ELAVL2: variants seen among roughly 807,000 people sequenced by gnomAD.
The protein encoded by ELAVL2 is ELAV-like protein 2.
A neutral mutation model predicts 34.6 loss-of-function variants in ELAVL2; 4 were observed. The observed-to-expected ratio is 0.12, with a 90% CI of 0.06 to 0.26. ELAVL2 has a LOEUF of 0.26. Among genes scored for constraint, ELAVL2 ranks in the 10% least tolerant of loss-of-function variants. The pLI, the probability that ELAVL2 is intolerant of heterozygous loss-of-function variation, is 1.00. For synonymous variants in ELAVL2, 193 were observed against 154.8 expected (o/e 1.25, Z -1.83); for missense variants, 432 against 442.8 (o/e 0.98, Z 0.22).
At chr9:23,832,745 A>G in the ELAVL2 span, among the ~76,000 whole-genome samples, 4 of 152,160 alleles carry the variant, frequency 2.6e-5, no homozygotes, top group African/African-American at 9.6e-5. Flanking sequence ...ATCAATTTTT[A>G]TTTTGTTTAA....
intron 3 of ELAVL2, among the ~76,000 whole-genome samples, chr9:23,718,110 A>G (rs547761898): frequency 1.2e-4 from 18 of 152,238 alleles, no homozygotes; most frequent in Admixed American, 1.1e-3. Context: ...ATAAAGCCCT[A>G]AGGGGTGGGA....
intron 1 of ELAVL2, among the ~76,000 whole-genome samples, chr9:23,773,988 G>T (rs927519110): frequency 6.6e-6 from 1 of 151,940 alleles, no homozygotes; most frequent in African/African-American, 2.4e-5. Flanking sequence ...GAGGCGGGCA[G>T]ATCACGAGGT....
intron 1 of ELAVL2, chr9:23,783,418 A>G: frequency 2.0e-6 from 2 of 983,630 alleles, no homozygotes; most frequent in Non-Finnish European, 1.2e-6. Flanking sequence ...AACTTCAGAG[A>G]GCATGAAAAA....
chr9:23,756,655 C>T (rs2053633607), intron 2 of ELAVL2, among the ~76,000 whole-genome samples: 1 of 152,152 alleles, frequency 6.6e-6, no homozygotes, highest in Non-Finnish European at 1.5e-5. Flanking sequence ...ATGTCTAGTT[C>T]TGAAAGCTAG....
intron 1 of ELAVL2, among the ~76,000 whole-genome samples, chr9:23,813,552 T>C (rs2063307744): frequency 1.3e-5 from 2 of 151,932 alleles, no homozygotes; most frequent in South Asian, 4.2e-4. Context: ...CAGCATCAAG[T>C]AGCAATGTTG....
At chr9:23,834,080 T>A in the ELAVL2 span, among the ~76,000 whole-genome samples, 9 of 151,988 alleles carry the variant, frequency 5.9e-5, no homozygotes, top group African/African-American at 9.7e-5. Flanking sequence ...ATAACAAAAT[T>A]AGATTAGAGA....
intron 3 of ELAVL2, among the ~76,000 whole-genome samples, chr9:23,724,790 G>A (rs2044650722): frequency 1.3e-5 from 2 of 152,134 alleles, no homozygotes; most frequent in South Asian, 2.1e-4. Context: ...ACATGTACTC[G>A]GTCAGTCTGT....
chr9:23,792,103 C>T (rs548240757), intron 1 of ELAVL2, among the ~76,000 whole-genome samples: 2 of 152,326 alleles, frequency 1.3e-5, no homozygotes, highest in South Asian at 4.1e-4. Flanking sequence ...CTATTTTTCA[C>T]TGTCAGTATT....
chr9:23,713,910 T>C (rs866639626), intron 3 of ELAVL2, among the ~76,000 whole-genome samples: 2 of 152,196 alleles, frequency 1.3e-5, no homozygotes, highest in Non-Finnish European at 2.9e-5. Context: ...GTCTTGGCTC[T>C]GTTACTTACC....
intron 6 of ELAVL2, 64 bp downstream of exon 6, chr9:23,693,384 C>A: frequency 6.2e-7 from 1 of 1,603,758 alleles, no homozygotes; most frequent in South Asian, 1.1e-5. Flanking sequence ...ATAGCACTCC[C>A]AAAATCAAAG....
chr9:23,755,214 G>C (rs1420516384), intron 2 of ELAVL2, among the ~76,000 whole-genome samples: 3 of 152,096 alleles, frequency 2.0e-5, no homozygotes, highest in African/African-American at 7.2e-5. Context: ...AAACAAAAGA[G>C]GACAGAAGTT....
At chr9:23,819,526 T>C (rs1048070537) in intron 1 of ELAVL2, among the ~76,000 whole-genome samples, 8 of 152,234 alleles carry the variant, frequency 5.3e-5, no homozygotes, top group African/African-American at 1.7e-4. Flanking sequence ...AGGGAAAGTG[T>C]GTGAGCACTG....
chr9:23,776,635 T>TA (rs1278197444), intron 1 of ELAVL2, among the ~76,000 whole-genome samples: 1 of 148,082 alleles, frequency 6.8e-6, no homozygotes, highest in African/African-American at 2.5e-5. Context: ...ACCTGTGTCC[T>TA]AAGAAGGTGT....
chr9:23,737,632 G>A (rs1198226541), intron 2 of ELAVL2, among the ~76,000 whole-genome samples: 1 of 152,176 alleles, frequency 6.6e-6, no homozygotes, highest in East Asian at 1.9e-4. Flanking sequence ...AATGCAGAGT[G>A]AATTCTGTAA....
At chr9:23,716,151 A>C in intron 3 of ELAVL2, among the ~76,000 whole-genome samples, 1 of 120,214 alleles carries the variant, frequency 8.3e-6, no homozygotes. Context: ...AACATCACAC[A>C]CCGGGGCCTG....
At chr9:23,739,985 G>A (rs1026404654) in intron 2 of ELAVL2, among the ~76,000 whole-genome samples, 5 of 152,010 alleles carry the variant, frequency 3.3e-5, no homozygotes, top group African/African-American at 1.2e-4. Context: ...TCAAGAACGG[G>A]AAACTATAAA....
At chr9:23,835,252 A>G in the ELAVL2 span, among the ~76,000 whole-genome samples, 1 of 152,048 alleles carries the variant, frequency 6.6e-6, no homozygotes, top group Non-Finnish European at 1.5e-5. Context: ...AAATATTTTG[A>G]TTTTATGTTG....
At chr9:23,794,640 C>A (rs144700206) in intron 1 of ELAVL2, among the ~76,000 whole-genome samples, 1 of 152,194 alleles carries the variant, frequency 6.6e-6, no homozygotes, top group Non-Finnish European at 1.5e-5. Context: ...TTAGTCAAAC[C>A]AGACTAATTA....
rs560597260 is a variant in ELAVL2 at position 23,772,711 on chromosome 9, A to G, written c.-15-10462T>C. On this transcript the variant is annotated intron_variant, in intron 1 of 6. Transcript: ENST00000397312. ...GGAGTCTAAAAACCTTGATCAATAC[A>G]GACAGCTTCCTTCTGCTCTGAACTG... 4.6e-5 allele frequency among the ~76,000 whole-genome samples: 7 copies of G among 152,322 alleles called. No homozygotes were observed. In the East Asian group the frequency reaches 1.4e-3, roughly 29 times the overall value.
Sources: allele counts gnomAD v4.1 joint callset (sites outside exome capture counted in the v4.1 genomes callset), GRCh38; gene constraint gnomAD v4.1.1; transcripts MANE v1.5; gene names NCBI Gene and HGNC (gene_info 2026-07-23, HGNC 2026-07-21).